Variants in PLD5 observed in about 807,000 individuals in gnomAD.
The protein encoded by PLD5 is phospholipase D family member 5.
In PLD5, 36 loss-of-function variants were observed where a neutral mutation model predicts 61.1. The observed-to-expected ratio is 0.59, with a 90% CI of 0.45 to 0.78. The LOEUF is 0.78. PLD5 is among the 30% of genes least tolerant of loss of function. The probability of loss-of-function intolerance (pLI) is 0.00; values close to 1 mark genes in which losing one functional copy is unlikely to be tolerated. For missense variants in PLD5, 515 were observed against 644.4 expected, an observed-to-expected ratio of 0.80 and a Z score of 2.17; for synonymous variants, 243 against 242.8, an observed-to-expected ratio of 1.00 and a Z score of -0.01.
At chr1:242,211,582 C>T (rs1669825234) in intron 5 of PLD5, among the ~76,000 whole-genome samples, 1 of 152,142 alleles carries the variant, frequency 6.6e-6, no homozygotes, top group Admixed American at 6.5e-5. Context: ...GTGCCGGCCG[C>T]CCCCTGGCCT....
At chr1:242,208,375 G>T (rs1267249723) in intron 5 of PLD5, among the ~76,000 whole-genome samples, 2 of 151,978 alleles carry the variant, frequency 1.3e-5, no homozygotes, top group Non-Finnish European at 2.9e-5. Context: ...CACCAGGGCT[G>T]GCTTCACATT....
chr1:242,426,534 AT>A (rs1378068188), intron 1 of PLD5, among the ~76,000 whole-genome samples: 1 of 152,158 alleles, frequency 6.6e-6, no homozygotes, highest in East Asian at 1.9e-4. Flanking sequence ...GCACCACCAC[AT>A]TACAACTATA....
intron 1 of PLD5, among the ~76,000 whole-genome samples, chr1:242,406,315 C>T (rs1664231842): frequency 6.6e-6 from 1 of 152,304 alleles, no homozygotes; most frequent in Middle Eastern, 3.4e-3. Flanking sequence ...GAACAAACTC[C>T]CCTATTTCAA....
chr1:242,128,299 T>G (rs1662956361), intron 5 of PLD5, among the ~76,000 whole-genome samples: 1 of 141,310 alleles, frequency 7.1e-6, no homozygotes, highest in Non-Finnish European at 1.5e-5. Flanking sequence ...AGCAAGATCC[T>G]GTCTCAAGGA....
intron 2 of PLD5, among the ~76,000 whole-genome samples, chr1:242,334,863 C>G (rs1659409083): frequency 6.6e-6 from 1 of 152,182 alleles, no homozygotes; most frequent in Admixed American, 6.5e-5. Context: ...ACTAAATCAC[C>G]CTTATCTTCC....
intron 2 of PLD5, among the ~76,000 whole-genome samples, chr1:242,307,088 C>T (rs1320370298): frequency 6.6e-6 from 1 of 152,182 alleles, no homozygotes; most frequent in East Asian, 1.9e-4. Flanking sequence ...AAACCTCTGT[C>T]TGCTAACTGT....
chr1:242,207,914 TTATATA>T lies in PLD5; in HGVS notation c.735+12068_735+12073del, dbSNP rs1172418491. On this transcript the variant is annotated intron_variant, in intron 5 of 9. Coordinates refer to ENST00000536534, the MANE Select transcript of PLD5 (RefSeq NM_001372062.1). Reference sequence around the variant, plus strand: ...TATATATTTATATATTTATATATATTTATATATTTATATATATTTATATATTTATAT... The same window carrying T: ...TATATATTTATATATTTATATATATTTTTATATATATTTATATATTTATAT... Among the ~76,000 whole-genome samples the T allele has an allele frequency of 2.3e-3, 29 of 12,842 alleles. 7 individuals are homozygous for T. Among genetic ancestry groups the T allele is most frequent in the South Asian group, 7.1e-3 (1 of 140 alleles). The allele number at this position is 12,842 out of a possible 152,430, so 8.4% of individuals were successfully genotyped here. A position where few individuals can be genotyped will look rare whatever the true frequency, so the allele number is the denominator to read the frequency against.
intron 1 of PLD5, among the ~76,000 whole-genome samples, chr1:242,478,149 A>G (rs1390587156): frequency 6.6e-6 from 1 of 152,230 alleles, no homozygotes; most frequent in African/African-American, 2.4e-5. Context: ...CAAATGGAAC[A>G]TGACAGGAAA....
chr1:242,096,458 C>T lies in PLD5; in HGVS notation c.1354+4210G>A, dbSNP rs532994598. On this transcript the variant is annotated intron_variant, in intron 9 of 9. Coordinates refer to ENST00000536534, the MANE Select transcript of PLD5 (RefSeq NM_001372062.1). ...CTGGACTCAAGCGATTCCCCTGCCTCAGCCTCCCTAGTAGCTGGGATTACA... is the reference window on the plus strand; with the variant it reads ...CTGGACTCAAGCGATTCCCCTGCCTTAGCCTCCCTAGTAGCTGGGATTACA... Among the ~76,000 whole-genome samples the T allele has an allele frequency of 4.8e-4, 73 of 152,238 alleles. 2 individuals carry two copies. The South Asian group carries it at 0.015, about 30-fold the overall frequency.
chr1:242,279,051 A>G (rs1175079876), intron 3 of PLD5, among the ~76,000 whole-genome samples: 1 of 152,224 alleles, frequency 6.6e-6, no homozygotes, highest in Non-Finnish European at 1.5e-5. Flanking sequence ...ACTGAGCTCC[A>G]TTTTGTTACT....
chr1:242,140,852 C>T lies in PLD5; in HGVS notation c.736-16187G>A, dbSNP rs114718572. On this transcript the variant is annotated intron_variant, in intron 5 of 9. Coordinates refer to ENST00000536534, the MANE Select transcript of PLD5 (RefSeq NM_001372062.1). The stretch of plus-strand genomic sequence containing the variant: ...GACCTGATCACTGGGGAACATGCTT[C>T]CTTCCTGTTAGTTCCAGAGGGAGCC... Among the ~76,000 whole-genome samples the T allele has an allele frequency of 2.9e-3, 440 of 152,262 alleles. 1 individual carries two copies. Among genetic ancestry groups the T allele is most frequent in the African/African-American group, 9.9e-3 (413 of 41,534 alleles).
intron 6 of PLD5, 67 bp from the exon 7 acceptor site, chr1:242,114,093 C>T: frequency 6.4e-7 from 1 of 1,554,932 alleles, no homozygotes; most frequent in Non-Finnish European, 8.7e-7. Flanking sequence ...TATTTATTTC[C>T]TTTGTTTCCA....
intron 5 of PLD5, among the ~76,000 whole-genome samples, chr1:242,171,487 T>C (rs1173834675): frequency 2.6e-5 from 4 of 152,126 alleles, no homozygotes; most frequent in Admixed American, 6.5e-5. Context: ...CATCTACTAA[T>C]GGGCAAAATA....
upstream of PLD5, among the ~76,000 whole-genome samples, chr1:242,525,550 T>C (rs1277092634): frequency 1.3e-5 from 2 of 152,248 alleles, no homozygotes; most frequent in African/African-American, 2.4e-5. Flanking sequence ...CATCTTTTGC[T>C]ATCTTTGGAG....
intron 2 of PLD5, among the ~76,000 whole-genome samples, chr1:242,322,526 T>C (rs1658484603): frequency 6.6e-6 from 1 of 152,232 alleles, no homozygotes; most frequent in Non-Finnish European, 1.5e-5. Context: ...TATATATCTA[T>C]GTGATATGGT....
At position 242,153,896 on chromosome 1, in the gene PLD5, A is replaced by G. The variant is rs1665137594; in HGVS notation, c.736-29231T>C. 1.3e-5 allele frequency among the ~76,000 whole-genome samples: 2 copies of G among 151,150 alleles called. 1 individual carries two copies. The highest frequency in any genetic ancestry group is 4.8e-5 in the African/African-American group (2 of 41,266). On this transcript the variant is annotated intron_variant, in intron 5 of 9. Coordinates refer to ENST00000536534, the MANE Select transcript of PLD5 (RefSeq NM_001372062.1). ...TTTTTCCAATTTGGTGAAGAAAGTC[A>G]AGATTGATGGGGATAGCATTGAATC... is the stretch of plus-strand genomic sequence containing the variant.
Position 242,500,789 on chromosome 1 carries a change from T to C in PLD5, c.189+23299A>G, listed in dbSNP as rs539889608. Among the ~76,000 whole-genome samples, 13 of 152,078 alleles carry C rather than the reference T, an allele frequency of 8.5e-5. No individual in the cohort carries two copies. The South Asian group carries it at 2.5e-3, about 29-fold the overall frequency. On this transcript the variant is annotated intron_variant, in intron 1 of 9. Transcript: ENST00000536534. ...TAAGGTGGACTATGAAAAGAAAGGA[T>C]GGTCTGCTAGCAAGACTCCATTCAG...
rs1558169975 is a variant in PLD5, at chr1:242,524,653, G to A, written c.-377C>T. On this transcript the variant is annotated 5_prime_UTR_variant, in exon 1 of 10. Transcript: ENST00000536534. ...GCGGCGACGTCGCCCGGCGGCTGCG[G>A]TCCCGAGCGGGCGCTCCGCTCGCCG... 6.2e-6 allele frequency: 1 copy of A among 160,612 alleles called. No individual in the cohort carries two copies. The highest frequency in any genetic ancestry group is 2.4e-5 in the African/African-American group (1 of 41,424). 9.9% of individuals were successfully genotyped at this position (160,612 alleles called of 1,614,324 possible). A position where few individuals can be genotyped will look rare whatever the true frequency, so the allele number is the denominator to read the frequency against.
intron 1 of PLD5, among the ~76,000 whole-genome samples, chr1:242,373,170 A>T (rs961674186): frequency 6.6e-6 from 1 of 152,258 alleles, no homozygotes; most frequent in African/African-American, 2.4e-5. Flanking sequence ...CAAAGAAGAC[A>T]TTTATGCAGC....
Sources: gnomAD v4.1 joint callset for allele counts (sites outside exome capture counted in the v4.1 genomes callset) on GRCh38, gnomAD v4.1.1 for gene constraint, MANE v1.5 for transcripts, NCBI Gene and HGNC (gene_info 2026-07-23, HGNC 2026-07-21) for gene names.